Variants in BCAR3 observed in about 807,000 individuals in gnomAD.
BCAR3 encodes the protein breast cancer anti-estrogen resistance protein 3.
A neutral mutation model predicts 80.1 loss-of-function variants in BCAR3; 37 were observed. The ratio of observed to expected loss-of-function variants is 0.46; its 90% CI spans 0.36 to 0.61. The LOEUF (loss-of-function observed/expected upper bound fraction) is 0.61. Ranked by LOEUF, BCAR3 falls within the 20% of genes least tolerant of loss-of-function variation. The probability of loss-of-function intolerance (pLI) is 0.00; values close to 1 mark genes in which losing one functional copy is unlikely to be tolerated. For missense variants in BCAR3, 978 were observed against 1,068.2 expected (o/e 0.92, Z 1.18); for synonymous variants, 389 against 418.9 (o/e 0.93, Z 0.87).
chr1:93,723,399 C>T (rs1650473850), intron 2 of BCAR3: 1 of 152,546 alleles, frequency 6.6e-6, no homozygotes, highest in African/African-American at 2.4e-5. Flanking sequence ...TGGCTGCTCC[C>T]TCCACACCAC....
intron 3 of BCAR3, among the ~76,000 whole-genome samples, chr1:93,627,339 T>C (rs1439725038): frequency 1.3e-5 from 2 of 152,206 alleles, no homozygotes; most frequent in Admixed American, 6.5e-5. Context: ...AACAAGTTCA[T>C]TGACAGGATT....
In BCAR3 at chr1:93,645,638, T is replaced by TTGTGTG. The variant is rs71588504; in HGVS notation, c.318-3301_318-3296dup. Reference sequence around the variant, plus strand: ...GTACTAAAGTAAAGCTACAGGATCTTTGTGTGTGTGTGTGTGTGTATATAT... The same window carrying TTGTGTG: ...GTACTAAAGTAAAGCTACAGGATCTTTGTGTGTGTGTGTGTGTGTGTGTGTATATAT... On this transcript the variant is annotated intron_variant, in intron 2 of 11. Transcript: ENST00000260502. 5.1e-3 allele frequency among the ~76,000 whole-genome samples: 761 copies of TTGTGTG among 149,740 alleles called. 6 individuals carry two copies. Among genetic ancestry groups the TTGTGTG allele is most frequent in the African/African-American group, 0.017 (683 of 40,854 alleles).
chr1:93,621,608 G>T (rs1049158758), intron 3 of BCAR3, among the ~76,000 whole-genome samples: 2 of 152,166 alleles, frequency 1.3e-5, no homozygotes, highest in Admixed American at 1.3e-4. Context: ...AGATAGCCTT[G>T]AGGCAAGTAG....
intron 2 of BCAR3, among the ~76,000 whole-genome samples, chr1:93,783,206 T>G (rs1056580238): frequency 3.9e-5 from 6 of 152,198 alleles, no homozygotes; most frequent in African/African-American, 1.4e-4. Context: ...TACCCTAAGC[T>G]AGGATTTTTC....
intron 2 of BCAR3, among the ~76,000 whole-genome samples, chr1:93,789,313 C>T (rs1410084101): frequency 6.6e-6 from 1 of 152,190 alleles, no homozygotes; most frequent in Non-Finnish European, 1.5e-5. Flanking sequence ...AGGAAATGCT[C>T]ACCAGCAAAG....
intron 2 of BCAR3, among the ~76,000 whole-genome samples, chr1:93,644,251 T>G (rs1010903698): frequency 6.6e-6 from 1 of 152,244 alleles, no homozygotes; most frequent in Non-Finnish European, 1.5e-5. Flanking sequence ...TAGCACCTTT[T>G]AAAGACTGGA....
At chr1:93,652,750 C>T (rs1366506704) in intron 2 of BCAR3, among the ~76,000 whole-genome samples, 1 of 152,182 alleles carries the variant, frequency 6.6e-6, no homozygotes, top group African/African-American at 2.4e-5. Flanking sequence ...ACCTCGGCCC[C>T]TCCTGGCAGG....
intron 2 of BCAR3, among the ~76,000 whole-genome samples, chr1:93,767,277 C>T (rs926429094): frequency 2.6e-5 from 4 of 152,184 alleles, no homozygotes; most frequent in African/African-American, 9.6e-5. Context: ...AATCCCAGCA[C>T]TTTCGGAGGC....
intron 2 of BCAR3, among the ~76,000 whole-genome samples, chr1:93,730,802 GAGCT>G (rs2100683118): frequency 6.6e-6 from 1 of 152,332 alleles, no homozygotes; most frequent in East Asian, 1.9e-4. Flanking sequence ...CCGGAAGGTG[GAGCT>G]TACCTCCTTC....
intron 2 of BCAR3, among the ~76,000 whole-genome samples, chr1:93,830,443 C>T (rs1053383251): frequency 1.3e-5 from 2 of 152,180 alleles, no homozygotes; most frequent in African/African-American, 4.8e-5. Context: ...TAACTGATGA[C>T]ATTCCACCAT....
At chr1:93,728,524 C>A (rs781650492) in intron 2 of BCAR3, among the ~76,000 whole-genome samples, 1 of 152,154 alleles carries the variant, frequency 6.6e-6, no homozygotes, top group South Asian at 2.1e-4. Context: ...TTGGATCACG[C>A]GTGGACTTGG....
intron 3 of BCAR3, among the ~76,000 whole-genome samples, chr1:93,702,123 C>G (rs1649666791): frequency 6.6e-6 from 1 of 152,152 alleles, no homozygotes; most frequent in African/African-American, 2.4e-5. Context: ...GGGGGAAAGT[C>G]TCAGGGCCAG....
intron 2 of BCAR3, among the ~76,000 whole-genome samples, chr1:93,796,405 A>C (rs1296374304): frequency 1.4e-5 from 2 of 145,390 alleles, no homozygotes; most frequent in African/African-American, 5.5e-5. Flanking sequence ...TTCGGGTGGG[A>C]GTGACCTGAT....
intron 3 of BCAR3, among the ~76,000 whole-genome samples, chr1:93,593,542 T>C (rs1557851144): frequency 6.6e-6 from 1 of 151,516 alleles, no homozygotes. Context: ...TGGCTAATTT[T>C]TGTAATTTTT....
In BCAR3 at chr1:93,665,477, C is replaced by T. The variant is rs1647859989; in HGVS notation, c.317+9137G>A. 3.3e-5 allele frequency among the ~76,000 whole-genome samples: 5 copies of T among 152,238 alleles called. No homozygotes were observed. In the South Asian group the frequency reaches 1.0e-3, roughly 32 times the overall value. ...ATATCCTATCTTATTTCTCTGCACT[C>T]GGCCTCCTCTGCTGACTCCCTGGAA... On this transcript the variant is annotated intron_variant, in intron 2 of 11. Coordinates refer to ENST00000260502, the MANE Select transcript of BCAR3 (RefSeq NM_003567.4).
intron 2 of BCAR3, among the ~76,000 whole-genome samples, chr1:93,757,013 G>C (rs1651771888): frequency 6.6e-6 from 1 of 152,176 alleles, no homozygotes; most frequent in South Asian, 2.1e-4. Flanking sequence ...GAGGGGTGGG[G>C]AGGACCTGCA....
rs1184199321 is a variant in BCAR3, at chr1:93,786,059, G to A, written c.-63+59508C>T. Among the ~76,000 whole-genome samples, 2 of 141,612 alleles carry A rather than the reference G, an allele frequency of 1.4e-5. 1 individual carries two copies. The highest frequency in any genetic ancestry group is 4.2e-4 in the East Asian group (2 of 4,714). 92.9% of individuals were successfully genotyped at this position (141,612 alleles called of 152,430 possible). On this transcript the variant is annotated intron_variant, in intron 2 of 13. Transcript: ENST00000370244. ...ATACAAAAAATTAGCCGGGCGTGGTGGCGGGCGCCTGTAGTCCCAGCTACT... is the reference window on the plus strand; with the variant it reads ...ATACAAAAAATTAGCCGGGCGTGGTAGCGGGCGCCTGTAGTCCCAGCTACT...
At chr1:93,659,239 G>A (rs1227084012) in intron 2 of BCAR3, among the ~76,000 whole-genome samples, 4 of 152,192 alleles carry the variant, frequency 2.6e-5, no homozygotes, top group African/African-American at 7.2e-5. Flanking sequence ...GAGTGCAGTG[G>A]TGCAACATTG....
intron 8 of BCAR3, among the ~76,000 whole-genome samples, chr1:93,574,263 C>A (rs990133839): frequency 4.6e-5 from 7 of 152,142 alleles, no homozygotes; most frequent in African/African-American, 9.7e-5. Context: ...AAGGACACTT[C>A]CAGAGCAGTA....
Sources: allele counts gnomAD v4.1 joint callset (sites outside exome capture counted in the v4.1 genomes callset), GRCh38; gene constraint gnomAD v4.1.1; transcripts MANE v1.5; gene names NCBI Gene and HGNC (gene_info 2026-07-23, HGNC 2026-07-21).